The following ZNF423 variants were observed in gnomAD, a reference collection of about 807,000 sequenced individuals.
ZNF423 encodes zinc finger protein 423, also known as Ebf-associated zinc finger protein.
In ZNF423, 12 loss-of-function variants were observed where a neutral mutation model predicts 95.8. The ratio of observed to expected loss-of-function variants is 0.13; its 90% CI spans 0.08 to 0.20. The LOEUF is 0.20. Ranked by LOEUF, ZNF423 falls within the 10% of genes least tolerant of loss-of-function variation. The probability of loss-of-function intolerance (pLI) is 1.00; values close to 1 mark genes in which losing one functional copy is unlikely to be tolerated. For missense variants in ZNF423, 1,316 were observed against 1,737.1 expected, an observed-to-expected ratio of 0.76 and a Z score of 4.31; for synonymous variants, 749 against 711.9, an observed-to-expected ratio of 1.05 and a Z score of -0.83.
chr16:49,748,524 A>G (rs2033569200), intron 2 of ZNF423, among the ~76,000 whole-genome samples: 1 of 152,178 alleles, frequency 6.6e-6, no homozygotes, highest in Non-Finnish European at 1.5e-5. Context: ...AGGAGTGCAC[A>G]TCGAACGGAA....
intron 4 of ZNF423, among the ~76,000 whole-genome samples, chr16:49,631,836 C>T (rs1475845197): frequency 2.0e-5 from 3 of 152,194 alleles, no homozygotes; most frequent in Non-Finnish European, 4.4e-5. Flanking sequence ...CTGCAAGCTC[C>T]ACCCTAGGGA....
chr16:49,696,254 C>T lies in ZNF423; in HGVS notation c.301+34517G>A, dbSNP rs77670513. On this transcript the variant is annotated intron_variant, in intron 3 of 7. Coordinates refer to ENST00000563137, the MANE Select transcript of ZNF423 (RefSeq NM_001379286.1). ...CACAAAGCAGGTAGAAAAGTCATTGCGATGGTGGGGGGTGGGGTAGCAGGC... is the reference window on the plus strand; with the variant it reads ...CACAAAGCAGGTAGAAAAGTCATTGTGATGGTGGGGGGTGGGGTAGCAGGC... 4.8e-3 allele frequency among the ~76,000 whole-genome samples: 729 copies of T among 152,268 alleles called. 9 individuals are homozygous for T. Among genetic ancestry groups the T allele is most frequent in the African/African-American group, 0.017 (700 of 41,560 alleles).
intron 2 of ZNF423, among the ~76,000 whole-genome samples, chr16:49,750,539 C>G (rs1048037175): frequency 6.6e-6 from 1 of 152,154 alleles, no homozygotes; most frequent in African/African-American, 2.4e-5. Flanking sequence ...GTCAGCCAGA[C>G]GCTCCTCTCC....
intron 2 of ZNF423, among the ~76,000 whole-genome samples, chr16:49,766,763 G>T (rs2033936775): frequency 6.6e-6 from 1 of 152,160 alleles, no homozygotes; most frequent in Non-Finnish European, 1.5e-5. Flanking sequence ...GTCCCTCAGA[G>T]GCCAGGCTCA....
chr16:49,696,805 G>A (rs1311043592), intron 3 of ZNF423, among the ~76,000 whole-genome samples: 1 of 152,190 alleles, frequency 6.6e-6, no homozygotes. Flanking sequence ...TGCCCGCCAT[G>A]CAGGCCTGGG....
chr16:49,835,761 G>A (rs1290291041), intron 1 of ZNF423, among the ~76,000 whole-genome samples: 1 of 152,250 alleles, frequency 6.6e-6, no homozygotes, highest in Non-Finnish European at 1.5e-5. Flanking sequence ...GATGCAGAGG[G>A]TCCGGTGCCT....
At chr16:49,675,201 C>T (rs148067885) in intron 3 of ZNF423, among the ~76,000 whole-genome samples, 1 of 152,322 alleles carries the variant, frequency 6.6e-6, no homozygotes, top group Non-Finnish European at 1.5e-5. Flanking sequence ...TCAGCTTCCT[C>T]TAGCTGTTGA....
At chr16:49,682,056 TC>T (rs1182034730) in intron 3 of ZNF423, among the ~76,000 whole-genome samples, 1 of 151,040 alleles carries the variant, frequency 6.6e-6, no homozygotes, top group Non-Finnish European at 1.5e-5. Flanking sequence ...TCCATTTCTG[TC>T]CTCTAATTAC....
At chr16:49,626,436 G>T (rs759030709) in intron 4 of ZNF423, among the ~76,000 whole-genome samples, 182 bp from the exon 5 acceptor site, 6 of 152,066 alleles carry the variant, frequency 3.9e-5, no homozygotes, top group Admixed American at 3.3e-4. Context: ...TGAGGAAGGG[G>T]CATGAAGCTA....
chr16:49,773,324 AAAAAAAC>A (rs1046373798), intron 2 of ZNF423, among the ~76,000 whole-genome samples: 1 of 152,086 alleles, frequency 6.6e-6, no homozygotes, highest in African/African-American at 2.4e-5. Flanking sequence ...ATCTCACAAA[AAAAAAAC>A]AAAAAGCAAA....
At chr16:49,651,543 T>G (rs960278790) in intron 3 of ZNF423, among the ~76,000 whole-genome samples, 14 of 152,208 alleles carry the variant, frequency 9.2e-5, no homozygotes, top group African/African-American at 3.4e-4. Context: ...GGGCTTAGAC[T>G]CCCAGCTCCC....
In ZNF423 at chr16:49,636,056, C is replaced by T. The variant is rs145829157; in HGVS notation, c.3120G>A (p.Thr1040=). The part of the protein sequence containing the change: ...CVVCMQTVTS[T]LELKIHGTFH... ...AGGTGCCATGGATCTTGAGCTCAAG[C>T]GTGGAAGTGACTGTCTGCATGCAGA... is the stretch of plus-strand genomic sequence containing the variant. Residue 1040 remains threonine, a synonymous_variant, in exon 4 of 8, where the codon ACG becomes ACA. Coordinates refer to ENST00000563137, the MANE Select transcript of ZNF423 (RefSeq NM_001379286.1). The surrounding 1 kb of genome is among the most constrained non-coding windows in gnomAD (Gnocchi z 8.6). The T allele has an allele frequency of 6.2e-6, 10 of 1,613,480 alleles. No homozygotes were observed. The highest frequency in any genetic ancestry group is 1.3e-5 in the African/African-American group (1 of 74,922).
chr16:49,695,876 C>T (rs1789191873), intron 3 of ZNF423, among the ~76,000 whole-genome samples: 1 of 152,236 alleles, frequency 6.6e-6, no homozygotes, highest in Non-Finnish European at 1.5e-5. Flanking sequence ...AGCCACACTC[C>T]AAGCTCTTGC....
At chr16:49,712,257 C>A (rs1448438747) in intron 3 of ZNF423, among the ~76,000 whole-genome samples, 2 of 152,172 alleles carry the variant, frequency 1.3e-5, no homozygotes, top group African/African-American at 2.4e-5. Context: ...ACATAGGGGC[C>A]TGCATTGGTC....
At chr16:49,797,614 AACC>A (rs2034518970) in intron 1 of ZNF423, among the ~76,000 whole-genome samples, 1 of 152,192 alleles carries the variant, frequency 6.6e-6, no homozygotes, top group African/African-American at 2.4e-5. Flanking sequence ...CTAAAGCTAA[AACC>A]ACCCAACACC....
chr16:49,575,378 C>T (rs1428218277), intron 5 of ZNF423, among the ~76,000 whole-genome samples: 11 of 152,144 alleles, frequency 7.2e-5, no homozygotes, highest in Admixed American at 1.3e-4. Context: ...ACAAGCCCAA[C>T]GCAAAACTAG....
chr16:49,712,314 G>A (rs369572636), intron 3 of ZNF423, among the ~76,000 whole-genome samples: 8 of 152,176 alleles, frequency 5.3e-5, no homozygotes, highest in East Asian at 1.9e-4. Flanking sequence ...TGGGGCTCGC[G>A]TGCCTGAGCA....
At chr16:49,614,788 A>C (rs1461177300) in intron 5 of ZNF423, among the ~76,000 whole-genome samples, 1 of 152,224 alleles carries the variant, frequency 6.6e-6, no homozygotes, top group Non-Finnish European at 1.5e-5. Context: ...ATTGTCTTTA[A>C]GCTAAAAATG....
chr16:49,709,591 G>A (rs979003707), intron 3 of ZNF423, among the ~76,000 whole-genome samples: 3 of 152,082 alleles, frequency 2.0e-5, no homozygotes, highest in African/African-American at 4.8e-5. Flanking sequence ...CACTGCTATC[G>A]TCTGAATGTT....
Sources: allele counts gnomAD v4.1 joint callset (sites outside exome capture counted in the v4.1 genomes callset), GRCh38; gene constraint gnomAD v4.1.1; non-coding constraint Gnocchi (gnomAD v3.1); transcripts MANE v1.5; gene names NCBI Gene and HGNC (gene_info 2026-07-23, HGNC 2026-07-21).